LRRK2: variants seen among roughly 807,000 people sequenced by gnomAD.
LRRK2 encodes leucine-rich repeat serine/threonine-protein kinase 2.
A neutral mutation model predicts 302.6 loss-of-function variants in LRRK2; 203 were observed. The observed-to-expected ratio is 0.67, with a 90% CI of 0.60 to 0.75. The LOEUF (loss-of-function observed/expected upper bound fraction) is 0.75. LRRK2 is among the 30% of genes least tolerant of loss of function. The probability of loss-of-function intolerance (pLI) is 0.00; values close to 1 mark genes in which losing one functional copy is unlikely to be tolerated. For synonymous variants in LRRK2, 1,066 were observed against 1,031.9 expected, an observed-to-expected ratio of 1.03 and a Z score of -0.63; for missense variants, 2,830 against 2,951.0, an observed-to-expected ratio of 0.96 and a Z score of 0.95.
At chr12:40,334,223 G>A (rs897421650) in intron 39 of LRRK2, among the ~76,000 whole-genome samples, 1 of 152,182 alleles carries the variant, frequency 6.6e-6, no homozygotes, top group Non-Finnish European at 1.5e-5. Flanking sequence ...CAGTAGATGA[G>A]TTTGACGTGG....
chr12:40,251,594 T>C, intron 10 of LRRK2, 50 bp downstream of exon 10: 2 of 1,404,498 alleles, frequency 1.4e-6, no homozygotes, highest in Non-Finnish European at 2.0e-6. Flanking sequence ...ATATTTTAAA[T>C]CAATACCTAT....
intron 7 of LRRK2, among the ~76,000 whole-genome samples, chr12:40,244,414 T>C (rs1941878440): frequency 6.6e-6 from 1 of 152,122 alleles, no homozygotes. Context: ...TTTCTATCCA[T>C]GGACATTTGG....
intron 3 of LRRK2, among the ~76,000 whole-genome samples, chr12:40,234,364 A>T (rs1295535983): frequency 6.9e-6 from 1 of 144,550 alleles, no homozygotes; most frequent in African/African-American, 2.6e-5. Context: ...GATATGCTAA[A>T]TTCACTTTTT....
intron 29 of LRRK2, 66 bp from the exon 30 acceptor site, chr12:40,309,040 T>C: frequency 6.4e-7 from 1 of 1,554,834 alleles, no homozygotes; most frequent in East Asian, 2.2e-5. Context: ...CCAGATTTTT[T>C]TTTAAAAAAG....
chr12:40,253,299 A>G (rs932036409), intron 11 of LRRK2, among the ~76,000 whole-genome samples: 1 of 152,110 alleles, frequency 6.6e-6, no homozygotes, highest in African/African-American at 2.4e-5. Context: ...GGATCATATT[A>G]TACTCTTTTA....
At chr12:40,235,942 TCTC>T (rs1941445861) in intron 4 of LRRK2, among the ~76,000 whole-genome samples, 1 of 152,004 alleles carries the variant, frequency 6.6e-6, no homozygotes, top group African/African-American at 2.4e-5. Context: ...TTCCATCTCT[TCTC>T]CTTATCTCTT....
At chr12:40,358,418 G>T (rs1199675543) in intron 46 of LRRK2, among the ~76,000 whole-genome samples, 3 of 152,144 alleles carry the variant, frequency 2.0e-5, no homozygotes, top group Non-Finnish European at 2.9e-5. Context: ...TGGTGAGAGA[G>T]TGGGGCCTAC....
At chr12:40,237,944 G>A (rs750478390) in intron 4 of LRRK2, 25 bp from the exon 5 acceptor site, 1 of 1,602,834 alleles carries the variant, frequency 6.2e-7, no homozygotes, top group African/African-American at 1.3e-5. Flanking sequence ...TCTTTACTCA[G>A]AGCATATTAT....
At position 40,278,017 on chromosome 12, in the gene LRRK2, G is replaced by GTACAGTGT; in HGVS notation, c.2070+3_2070+10dup. 1.2e-6 allele frequency: 2 copies of GTACAGTGT among 1,613,734 alleles called. No individual in the cohort carries two copies. The highest frequency in any genetic ancestry group is 2.2e-5 in the South Asian group (2 of 91,078). ...TATCATGGAACAAAAGGATCAACAG[G>GTACAGTGT]TACAGTGTTTTTCACTTGCATCCTA... On this transcript the variant is annotated splice_donor_variant, in intron 17 of 50. Transcript: ENST00000298910. LOFTEE classifies it high-confidence loss of function.
chr12:40,280,671 A>G (rs1943652522), intron 18 of LRRK2, among the ~76,000 whole-genome samples: 1 of 150,450 alleles, frequency 6.6e-6, no homozygotes, highest in African/African-American at 2.4e-5. Flanking sequence ...ATAATATAAT[A>G]AGGCTGAGGT....
chr12:40,322,736 A>G (rs1213196967), intron 37 of LRRK2, among the ~76,000 whole-genome samples: 2 of 152,098 alleles, frequency 1.3e-5, no homozygotes, highest in Non-Finnish European at 2.9e-5. Flanking sequence ...CTTATTGAGC[A>G]ACATAACCTC....
chr12:40,308,366 A>T, intron 28 of LRRK2, 101 bp from the exon 29 acceptor site: 1 of 864,746 alleles, frequency 1.2e-6, no homozygotes, highest in Non-Finnish European at 1.8e-6. Context: ...ACTCTTCTGG[A>T]TACTATATTT....
chr12:40,334,367 G>T (rs1011849197), intron 39 of LRRK2, among the ~76,000 whole-genome samples: 1 of 152,114 alleles, frequency 6.6e-6, no homozygotes, highest in East Asian at 1.9e-4. Context: ...AAAGGTTGGG[G>T]TGCTGACCCC....
At chr12:40,344,888 A>C (rs1946148277) in intron 41 of LRRK2, among the ~76,000 whole-genome samples, 1 of 152,002 alleles carries the variant, frequency 6.6e-6, no homozygotes, top group Non-Finnish European at 1.5e-5. Flanking sequence ...ATATTAATAT[A>C]TTACTATGTA....
intron 14 of LRRK2, among the ~76,000 whole-genome samples, chr12:40,265,590 G>A (rs1942973373): frequency 6.6e-6 from 1 of 152,148 alleles, no homozygotes; most frequent in Non-Finnish European, 1.5e-5. Context: ...GAGTGAACAT[G>A]TGCAGTAGCT....
intron 28 of LRRK2, among the ~76,000 whole-genome samples, chr12:40,306,291 A>G (rs1440960563): frequency 2.0e-5 from 3 of 150,526 alleles, no homozygotes; most frequent in Admixed American, 2.0e-4. Flanking sequence ...GAAATACAGC[A>G]CAGTATAATA....
chr12:40,367,685 C>T lies in LRRK2; in HGVS notation c.7504C>T (p.His2502Tyr). The change falls in exon 51 of 51, where the codon CAT (histidine) becomes TAT (tyrosine). Residue 2502 changes from histidine to tyrosine, a missense_variant. This residue lies in a region of LRRK2 where 456 missense variants were observed against 456.3 expected (regional missense o/e 1.00). Coordinates refer to ENST00000298910, the MANE Select transcript of LRRK2 (RefSeq NM_198578.4). ...CLTVWDINLPHEVQNLEKHIE... is the reference protein window; with the variant it reads ...CLTVWDINLPYEVQNLEKHIE... ...GACCGTTTGGGACATCAATCTTCCA[C>T]ATGAAGTGCAAAATTTAGAAAAACA... 6 of 1,603,694 alleles carry T rather than the reference C, an allele frequency of 3.7e-6. No individual in the cohort carries two copies. Among genetic ancestry groups the T allele is most frequent in the Non-Finnish European group, 5.1e-6 (6 of 1,174,002 alleles).
At chr12:40,225,381 C>A (rs747477965) in intron 1 of LRRK2, 99 bp downstream of exon 1, 1,219 of 1,457,956 alleles carry the variant, frequency 8.4e-4, no homozygotes, top group Non-Finnish European at 1.1e-3. Flanking sequence ...CCTGCTCAAA[C>A]CCGGACTCTT....
At chr12:40,363,319 G>A in intron 47 of LRRK2, 83 bp from the exon 48 acceptor site, 6 of 1,267,574 alleles carry the variant, frequency 4.7e-6, no homozygotes, top group Middle Eastern at 2.1e-4. Flanking sequence ...TTTACATTAA[G>A]AACTAATATA....
Sources: allele counts gnomAD v4.1 joint callset (sites outside exome capture counted in the v4.1 genomes callset), GRCh38; gene constraint gnomAD v4.1.1; regional missense constraint gnomAD v4.1.1; transcripts MANE v1.5; gene names NCBI Gene and HGNC (gene_info 2026-07-23, HGNC 2026-07-21).